Variants in ZNF534 observed in about 807,000 individuals in gnomAD.
ZNF534 encodes KRAB domain only 3.
ZNF534 carries 19 observed loss-of-function variants against 13.6 expected under a neutral mutation model. That is an observed-to-expected ratio of 1.40 (90% CI 0.97 to 2.05). The LOEUF (loss-of-function observed/expected upper bound fraction) is 2.05. ZNF534 is among the 30% of genes most tolerant of loss of function. The pLI, the probability that ZNF534 is intolerant of heterozygous loss-of-function variation, is 0.00. For synonymous variants in ZNF534, 244 were observed against 273.8 expected (o/e 0.89, Z 1.07); for missense variants, 782 against 796.3 (o/e 0.98, Z 0.22).
intron 4 of ZNF534, among the ~76,000 whole-genome samples, chr19:52,449,421 C>T (rs1344433444): frequency 6.6e-6 from 1 of 151,604 alleles, no homozygotes; most frequent in Admixed American, 6.6e-5. Flanking sequence ...TATGGTAGTT[C>T]TGTTTGTAGT....
rs747845554 is a variant in ZNF534 at position 52,438,254 on chromosome 19, C to T, written c.794C>T (p.Thr265Ile). 6.2e-7 allele frequency: 1 copy of T among 1,605,690 alleles called. No homozygotes were observed. Among genetic ancestry groups the T allele is most frequent in the South Asian group, 1.1e-5 (1 of 90,234 alleles). ...CTTGCACAACATCAGAAAATTCATA[C>T]TGGACAGAAACCTTACAATAACAAA... ...SHLAQHQKIHTGQKPYNNKEC... is the reference protein window; with the variant it reads ...SHLAQHQKIHIGQKPYNNKEC... The change falls in exon 5 of 5, where the codon ACT becomes ATT. Residue 265 changes from threonine to isoleucine, a missense_variant. Physicochemically the swap from Thr to Ile is moderately conservative, Grantham distance 89. Coordinates refer to ENST00000433050, the MANE Select transcript of ZNF534 (RefSeq NM_001143938.3).
intron 4 of ZNF534, among the ~76,000 whole-genome samples, chr19:52,450,044 G>A (rs2059207774): frequency 2.0e-5 from 3 of 152,152 alleles, no homozygotes; most frequent in Non-Finnish European, 4.4e-5. Context: ...CTATCGTGAT[G>A]TTTGAGTTTC....
rs746915917 is a variant in ZNF534 at position 52,438,110 on chromosome 19, G to C, written c.650G>C (p.Ser217Thr). The C allele has an allele frequency of 6.2e-7, 1 of 1,614,114 alleles. No individual in the cohort carries two copies. Among genetic ancestry groups the C allele is most frequent in the Non-Finnish European group, 8.5e-7 (1 of 1,180,010 alleles). Residue 217 changes from serine (S) to threonine (T), a missense_variant, in exon 5 of 5, where the codon AGT (serine) becomes ACT (threonine). Ser to Thr is a moderately conservative substitution (Grantham distance 58). Transcript: ENST00000433050. The stretch of plus-strand genomic sequence containing the variant: ...ATTGCAGATAAAACTTACAAATGTA[G>C]TGACTGTGGCGAGATCTTTAGTAGC... ...IHIADKTYKC[S>T]DCGEIFSSNS...
Position 52,440,079 on chromosome 19 carries a change from AC to A in ZNF534, c.*634del, listed in dbSNP as rs2059162600. 1.3e-5 allele frequency among the ~76,000 whole-genome samples: 2 copies of A among 152,216 alleles called. No homozygotes were observed. Among genetic ancestry groups the A allele is most frequent in the African/African-American group, 2.4e-5 (1 of 41,448 alleles). Reference sequence around the variant, plus strand: ...GCAAAACTCTTTCTTTAAAAACAAAACAAAAAAAGTTATGAAGCCTCACAAA... The same window carrying A: ...GCAAAACTCTTTCTTTAAAAACAAAAAAAAAAAGTTATGAAGCCTCACAAA... On this transcript the variant is annotated 3_prime_UTR_variant, in exon 5 of 5. Coordinates refer to ENST00000433050, the MANE Select transcript of ZNF534 (RefSeq NM_001143938.3).
chr19:52,442,771 G>C (rs1440126371), downstream of ZNF534, among the ~76,000 whole-genome samples: 2 of 152,200 alleles, frequency 1.3e-5, no homozygotes, highest in Non-Finnish European at 2.9e-5. Context: ...TTCATTAGCT[G>C]AGGATCACTT....
In ZNF534 at chr19:52,440,433, A is replaced by G. The variant is rs1292322508; in HGVS notation, c.*987A>G. Among the ~76,000 whole-genome samples, 1 of 152,250 alleles carries G rather than the reference A, an allele frequency of 6.6e-6. No homozygotes were observed. Among genetic ancestry groups the G allele is most frequent in the Non-Finnish European group, 1.5e-5 (1 of 68,038 alleles). On this transcript the variant is annotated 3_prime_UTR_variant, in exon 5 of 5. Transcript: ENST00000433050. ...AATTCATACTGTAGATACCTTTTAAATGTAGCAAATATGGCAAAGTCAAAG... is the reference window on the plus strand; with the variant it reads ...AATTCATACTGTAGATACCTTTTAAGTGTAGCAAATATGGCAAAGTCAAAG...
downstream of ZNF534, among the ~76,000 whole-genome samples, chr19:52,446,591 C>T (rs1382078342): frequency 6.6e-6 from 1 of 152,048 alleles, no homozygotes; most frequent in Non-Finnish European, 1.5e-5. Context: ...AGTGTGGTGG[C>T]TCGTGCCTGT....
At chr19:52,443,880 T>C (rs1402900384), downstream of ZNF534, among the ~76,000 whole-genome samples, 4 of 152,078 alleles carry the variant, frequency 2.6e-5, no homozygotes, top group East Asian at 7.7e-4. Flanking sequence ...CCTGAGGTTT[T>C]TGTTTTTTAT....
At chr19:52,436,373 T>G (rs759301970) in intron 4 of ZNF534, among the ~76,000 whole-genome samples, 5 of 152,218 alleles carry the variant, frequency 3.3e-5, no homozygotes, top group Non-Finnish European at 7.3e-5. Flanking sequence ...CTATCAAACT[T>G]TGTCTCTGTC....
chr19:52,439,031 G>T lies in ZNF534; in HGVS notation c.1571G>T (p.Cys524Phe). The change falls in exon 5 of 5, where the codon TGT becomes TTT. Residue 524 changes from cysteine (C) to phenylalanine (F), a missense_variant. Cys to Phe is a radical substitution (Grantham distance 205). Transcript: ENST00000433050. ...DIHTGEKPYSCNECGKVFRRN... is the reference protein window; with the variant it reads ...DIHTGEKPYSFNECGKVFRRN... ...CATACTGGAGAGAAGCCTTACAGTT[G>T]TAATGAATGTGGCAAGGTCTTCCGT... The T allele has an allele frequency of 6.3e-7, 1 of 1,599,826 alleles. No individual in the cohort carries two copies. The highest frequency in any genetic ancestry group is 1.7e-5 in the Admixed American group (1 of 57,452).
At chr19:52,434,221 C>G in intron 3 of ZNF534, 140 bp downstream of exon 3, 1 of 1,309,084 alleles carries the variant, frequency 7.6e-7, no homozygotes, top group South Asian at 1.5e-5. Context: ...GCAGGCCAGG[C>G]GCAGTGGCTC....
Position 52,440,932 on chromosome 19 carries a change from C to G in ZNF534, c.*1486C>G, listed in dbSNP as rs189948696. Among the ~76,000 whole-genome samples, 1 of 150,700 alleles carries G rather than the reference C, an allele frequency of 6.6e-6. No homozygotes were observed. The highest frequency in any genetic ancestry group is 1.5e-5 in the Non-Finnish European group (1 of 67,880). On this transcript the variant is annotated 3_prime_UTR_variant, in exon 5 of 5. Coordinates refer to ENST00000433050, the MANE Select transcript of ZNF534 (RefSeq NM_001143938.3). ...TTTTTTTCCCCCGAAACAAGAGTCT[C>G]GCTCTGATGCCCAGGCTGGAGTGCA...
chr19:52,435,351 C>A, intron 4 of ZNF534, 142 bp downstream of exon 4: 2 of 1,029,648 alleles, frequency 1.9e-6, no homozygotes, highest in Admixed American at 3.2e-5. Context: ...ATCCTTCTGG[C>A]TTGGTCTTCC....
chr19:52,433,511 C>T lies in ZNF534; in HGVS notation c.16-444C>T, dbSNP rs1031589290. 3.9e-5 allele frequency among the ~76,000 whole-genome samples: 6 copies of T among 151,984 alleles called. No homozygotes were observed. In the South Asian group the frequency reaches 8.3e-4, roughly 21 times the overall value. On this transcript the variant is annotated intron_variant, in intron 2 of 4. Coordinates refer to ENST00000433050, the MANE Select transcript of ZNF534 (RefSeq NM_001143938.3). ...CCTCCTGAGTAGCTGGGACTACAGA[C>T]CCCCACCACCGCGCCTGGCTAATTT...
rs528145392 is a variant in ZNF534 at position 52,439,310 on chromosome 19, G to A, written c.1850G>A (p.Arg617Gln). 1.3e-4 allele frequency: 209 copies of A among 1,554,200 alleles called. 3 individuals carry two copies. In the South Asian group the frequency reaches 1.5e-3, roughly 11 times the overall value. The change falls in exon 5 of 5, where the codon CGG (arginine) becomes CAG (glutamine). Residue 617 changes from arginine (R) to glutamine (Q), a missense_variant. By Grantham distance (43) the Arg-to-Gln change is conservative (BLOSUM62 1). Around this residue, in one of 5 missense-constraint regions of ZNF534, gnomAD observed 60 missense variants for 59.9 expected, o/e 1.00. Coordinates refer to ENST00000433050, the MANE Select transcript of ZNF534 (RefSeq NM_001143938.3). ...KCNECSKVFSRNSRLAQHRNI... is the reference protein window; with the variant it reads ...KCNECSKVFSQNSRLAQHRNI... ...AATGAATGTAGCAAGGTCTTCAGTCGGAATTCACGCCTTGCACAACATAGG... is the reference window on the plus strand; with the variant it reads ...AATGAATGTAGCAAGGTCTTCAGTCAGAATTCACGCCTTGCACAACATAGG...
Position 52,438,083 on chromosome 19 carries a change from AC to A in ZNF534, c.624del (p.His208GlnfsTer111). 1 of 1,614,210 alleles carries A rather than the reference AC, an allele frequency of 6.2e-7. No homozygotes were observed. The highest frequency in any genetic ancestry group is 8.5e-7 in the Non-Finnish European group (1 of 1,180,038). ...AGCCTTACTAACCGTCAAGTAATCC[AC>A]ATTGCAGATAAAACTTACAAATGTA... ...SSSLTNRQVIHIADKTYKCSD... is the reference protein window; with the variant it reads ...SSSLTNRQVIXIADKTYKCSD... On this transcript the variant is annotated frameshift_variant, in exon 5 of 5. Coordinates refer to ENST00000433050, the MANE Select transcript of ZNF534 (RefSeq NM_001143938.3). LOFTEE classifies it low-confidence loss of function (END_TRUNC).
chr19:52,440,899 CTTT>C lies in ZNF534; in HGVS notation c.*1465_*1467del, dbSNP rs575100025. On this transcript the variant is annotated 3_prime_UTR_variant, in exon 5 of 5. Transcript: ENST00000433050. Reference sequence around the variant, plus strand: ...TTTGTAATCCATAGTGGAGATAAGTCTTTTTTTTTTTTTTCCCCCGAAACAAGA... The same window carrying C: ...TTTGTAATCCATAGTGGAGATAAGTCTTTTTTTTTTTCCCCCGAAACAAGA... Among the ~76,000 whole-genome samples, 1 of 141,744 alleles carries C rather than the reference CTTT, an allele frequency of 7.1e-6. No individual in the cohort carries two copies. Among genetic ancestry groups the C allele is most frequent in the African/African-American group, 2.6e-5 (1 of 38,902 alleles). 93.0% of individuals were successfully genotyped at this position (141,744 alleles called of 152,430 possible). A position where few individuals can be genotyped will look rare whatever the true frequency, so the allele number is the denominator to read the frequency against.
At chr19:52,431,516 T>A (rs753273284) in intron 2 of ZNF534, 27 bp downstream of exon 2, 1 of 1,613,878 alleles carries the variant, frequency 6.2e-7, no homozygotes. Flanking sequence ...AGTGGATTGT[T>A]CTGTCTCTGT....
intron 2 of ZNF534, among the ~76,000 whole-genome samples, chr19:52,433,085 A>G (rs527334736): frequency 2.6e-5 from 4 of 151,982 alleles, no homozygotes; most frequent in African/African-American, 9.6e-5. Context: ...TCTACAAAAC[A>G]TACAAAAATT....
Sources: gnomAD v4.1 joint callset for allele counts (sites outside exome capture counted in the v4.1 genomes callset) on GRCh38, gnomAD v4.1.1 for gene constraint, gnomAD v4.1.1 regional missense constraint, MANE v1.5 for transcripts, NCBI Gene and HGNC (gene_info 2026-07-23, HGNC 2026-07-21) for gene names.